The following SIN3A variants were observed in gnomAD, a reference collection of about 807,000 sequenced individuals.
The protein encoded by SIN3A is paired amphipathic helix protein Sin3a.
Under a neutral mutation model 146.1 loss-of-function variants are expected in SIN3A, and 14 were observed. That is an observed-to-expected ratio of 0.10 (90% CI 0.06 to 0.15). The LOEUF is 0.15. Among genes scored for constraint, SIN3A ranks in the 10% least tolerant of loss-of-function variants. The pLI, the probability that SIN3A is intolerant of heterozygous loss-of-function variation, is 1.00. For synonymous variants in SIN3A, 572 were observed against 572.0 expected (o/e 1.00, Z 0.00); for missense variants, 1,028 against 1,576.0 (o/e 0.65, Z 5.89).
intron 9 of SIN3A, among the ~76,000 whole-genome samples, chr15:75,403,704 C>T (rs576035796): frequency 4.5e-4 from 69 of 152,092 alleles, no homozygotes; most frequent in Admixed American, 9.2e-4. Flanking sequence ...CAACGCCCAG[C>T]TAATGTTTTT....
intron 2 of SIN3A, among the ~76,000 whole-genome samples, chr15:75,425,632 C>G (rs758324913): frequency 2.0e-5 from 3 of 152,140 alleles, no homozygotes; most frequent in Non-Finnish European, 4.4e-5. Flanking sequence ...GAAATAAAAG[C>G]CAAAACTACT....
In SIN3A at chr15:75,375,713, T is replaced by C. The variant is rs1181242017; in HGVS notation, c.3543A>G (p.Lys1181=). 1 of 1,614,208 alleles carries C rather than the reference T, an allele frequency of 6.2e-7. No individual in the cohort carries two copies. The highest frequency in any genetic ancestry group is 8.5e-7 in the Non-Finnish European group (1 of 1,180,026). The change falls in exon 20 of 21, where the codon AAA becomes AAG. Residue 1181 remains lysine (K), a synonymous_variant. Coordinates refer to ENST00000394947, the MANE Select transcript of SIN3A (RefSeq NM_001145358.2). The part of the protein sequence containing the change: ...LNSYKMVYVI[K]SEDYMYRRTA... ...TCCTCCGATACATATAGTCCTCTGATTTGATCACATACACCATCTTGTAGG... is the reference window on the plus strand; with the variant it reads ...TCCTCCGATACATATAGTCCTCTGACTTGATCACATACACCATCTTGTAGG...
intron 3 of SIN3A, among the ~76,000 whole-genome samples, chr15:75,418,699 C>T (rs564378918): frequency 1.3e-5 from 2 of 152,210 alleles, no homozygotes; most frequent in Admixed American, 1.3e-4. Context: ...TTAGATTATA[C>T]AGTCTCAGGT....
intron 17 of SIN3A, among the ~76,000 whole-genome samples, chr15:75,383,674 G>A (rs1245353992): frequency 2.0e-5 from 3 of 152,030 alleles, no homozygotes; most frequent in African/African-American, 4.8e-5. Flanking sequence ...GACTACAGAC[G>A]CCCACCACTA....
In SIN3A at chr15:75,392,353, C is replaced by G. The variant is rs745676137; in HGVS notation, c.2740G>C (p.Glu914Gln). Residue 914 changes from glutamate (E) to glutamine (Q), a missense_variant, in exon 15 of 21, where the codon GAA becomes CAA. Transcript: ENST00000394947. Reference sequence around the variant, plus strand: ...CGGTTTTCTTCTTCAATTTGCCGTTCGGCTTGGGAACAAATCCGTAGCAGC... The same window carrying G: ...CGGTTTTCTTCTTCAATTTGCCGTTGGGCTTGGGAACAAATCCGTAGCAGC... ...LRLLRICSQA[E>Q]RQIEEENRER... 2 of 1,614,220 alleles carry G rather than the reference C, an allele frequency of 1.2e-6. No individual in the cohort carries two copies. Among genetic ancestry groups the G allele is most frequent in the East Asian group, 4.5e-5 (2 of 44,880 alleles).
At chr15:75,449,933 C>T (rs1265143335) in intron 1 of SIN3A, among the ~76,000 whole-genome samples, 1 of 152,118 alleles carries the variant, frequency 6.6e-6, no homozygotes, top group Non-Finnish European at 1.5e-5. Context: ...GCGCTTGCCA[C>T]CACGCCCAGC....
chr15:75,375,604 C>A, intron 20 of SIN3A, 61 bp downstream of exon 20: 1 of 1,326,310 alleles, frequency 7.5e-7, no homozygotes, highest in Admixed American at 1.7e-5. Context: ...AGACTCTGGG[C>A]CTCCCCTGGT....
Position 75,414,234 on chromosome 15 carries a change from A to G in SIN3A, c.444T>C (p.Leu148=). Residue 148 remains leucine (L), a synonymous_variant, in exon 4 of 21, where the codon CTT becomes CTC. Coordinates refer to ENST00000394947, the MANE Select transcript of SIN3A (RefSeq NM_001145358.2). ...GAGATTTAAATTCCTTCATGATGTC[A>G]AGGAAATCATTGTAGACCTGAGGCT... ...GSQPQVYNDF[L]DIMKEFKSQS... The G allele has an allele frequency of 1.3e-6, 2 of 1,538,002 alleles. No homozygotes were observed. The highest frequency in any genetic ancestry group is 1.8e-6 in the Non-Finnish European group (2 of 1,131,514).
At chr15:75,430,966 C>A (rs1418842227) in intron 1 of SIN3A, among the ~76,000 whole-genome samples, 1 of 152,044 alleles carries the variant, frequency 6.6e-6, no homozygotes, top group Non-Finnish European at 1.5e-5. Flanking sequence ...TTAGTAGAGA[C>A]GGGGTTTCAC....
At chr15:75,382,874 G>C (rs562884073) in intron 17 of SIN3A, among the ~76,000 whole-genome samples, 1 of 152,252 alleles carries the variant, frequency 6.6e-6, no homozygotes, top group Admixed American at 6.5e-5. Context: ...CCTGAGCTCA[G>C]GAGTTCAAGA....
At chr15:75,394,472 G>T (rs994451803) in intron 14 of SIN3A, among the ~76,000 whole-genome samples, 2 of 152,148 alleles carry the variant, frequency 1.3e-5, no homozygotes, top group Non-Finnish European at 2.9e-5. Flanking sequence ...AGTAAACTAG[G>T]AAACTAGTCA....
At chr15:75,428,658 C>A (rs1430931962) in intron 2 of SIN3A, among the ~76,000 whole-genome samples, 3 of 152,104 alleles carry the variant, frequency 2.0e-5, no homozygotes, top group African/African-American at 4.8e-5. Flanking sequence ...CACCATTACG[C>A]CCTGCTAATC....
At chr15:75,431,153 T>C (rs1180914089) in intron 1 of SIN3A, among the ~76,000 whole-genome samples, 2 of 152,214 alleles carry the variant, frequency 1.3e-5, no homozygotes, top group Non-Finnish European at 2.9e-5. Flanking sequence ...TCAACAATTA[T>C]AATGGTATCA....
At chr15:75,389,339 C>T (rs945197795) in intron 16 of SIN3A, among the ~76,000 whole-genome samples, 9 of 151,664 alleles carry the variant, frequency 5.9e-5, no homozygotes, top group Non-Finnish European at 1.0e-4. Context: ...CTATGGAAGA[C>T]GCAATGTTCC....
At chr15:75,425,987 C>T (rs780939452) in intron 2 of SIN3A, among the ~76,000 whole-genome samples, 4 of 152,170 alleles carry the variant, frequency 2.6e-5, no homozygotes, top group Non-Finnish European at 5.9e-5. Context: ...ACTATTTAGA[C>T]AATTCTAAAA....
chr15:75,441,324 A>G (rs1190431216), intron 1 of SIN3A, among the ~76,000 whole-genome samples: 1 of 148,966 alleles, frequency 6.7e-6, no homozygotes. Flanking sequence ...AAAACAAAAT[A>G]AAAAAAAAAC....
intron 2 of SIN3A, among the ~76,000 whole-genome samples, chr15:75,428,128 G>T (rs1482754346): frequency 6.6e-6 from 1 of 152,144 alleles, no homozygotes; most frequent in South Asian, 2.1e-4. Context: ...TCAGGACATA[G>T]AACAGGAATA....
chr15:75,394,607 T>C, intron 14 of SIN3A, 73 bp downstream of exon 14: 3 of 1,267,276 alleles, frequency 2.4e-6, no homozygotes, highest in Non-Finnish European at 3.3e-6. Context: ...TTAACAAAGG[T>C]AATTTCCAGA....
In SIN3A at chr15:75,387,501, GAAAA is replaced by G. The variant is rs34479080; in HGVS notation, c.3021+2147_3021+2150del. On this transcript the variant is annotated intron_variant, in intron 16 of 20. Transcript: ENST00000394947. ...GGCAATAGAGTGAGACCCTGGGTTG[GAAAA>G]AAAAAAAAAAAAAAAGTCACTGTTT... Among the ~76,000 whole-genome samples the G allele has an allele frequency of 8.0e-5, 8 of 100,264 alleles. No individual in the cohort carries two copies. In the East Asian group the frequency reaches 1.8e-3, roughly 22 times the overall value. The allele number at this position is 100,264 out of a possible 152,430, so 65.8% of individuals were successfully genotyped here.
Sources: allele counts gnomAD v4.1 joint callset (sites outside exome capture counted in the v4.1 genomes callset), GRCh38; gene constraint gnomAD v4.1.1; transcripts MANE v1.5; gene names NCBI Gene and HGNC (gene_info 2026-07-23, HGNC 2026-07-21).